ARHGAP10: variants seen among roughly 807,000 people sequenced by gnomAD.
The protein encoded by ARHGAP10 is Rho GTPase activating protein 10.
A neutral mutation model predicts 108.6 loss-of-function variants in ARHGAP10; 87 were observed. The observed-to-expected ratio is 0.80, with a 90% CI of 0.67 to 0.96. ARHGAP10 has a LOEUF of 0.96. ARHGAP10 is among the 40% of genes least tolerant of loss of function. The pLI, the probability that ARHGAP10 is intolerant of heterozygous loss-of-function variation, is 0.00. For synonymous variants in ARHGAP10, 347 were observed against 341.1 expected, an observed-to-expected ratio of 1.02 and a Z score of -0.19; for missense variants, 939 against 954.5, an observed-to-expected ratio of 0.98 and a Z score of 0.21.
At chr4:147,989,099 C>T (rs563403304) in intron 18 of ARHGAP10, among the ~76,000 whole-genome samples, 2 of 152,302 alleles carry the variant, frequency 1.3e-5, no homozygotes, top group East Asian at 1.9e-4. Flanking sequence ...TAAAGCTGGG[C>T]GTCCGGGGGA....
chr4:147,844,941 AC>A (rs1344374914), intron 3 of ARHGAP10, among the ~76,000 whole-genome samples: 2 of 151,860 alleles, frequency 1.3e-5, no homozygotes, highest in Non-Finnish European at 2.9e-5. Context: ...TTTCCACTGT[AC>A]CCCCAATAAA....
intron 18 of ARHGAP10, among the ~76,000 whole-genome samples, chr4:147,973,655 C>A (rs1315108088): frequency 6.6e-6 from 1 of 152,036 alleles, no homozygotes; most frequent in African/African-American, 2.4e-5. Flanking sequence ...TTTTTGTGCC[C>A]ATTAACCATC....
At chr4:147,863,538 A>G (rs745387462) in intron 5 of ARHGAP10, 3 of 152,178 alleles carry the variant, frequency 2.0e-5, no homozygotes, top group Non-Finnish European at 4.4e-5. Flanking sequence ...CCCTGCTGCT[A>G]TGAACAGGGG....
intron 1 of ARHGAP10, among the ~76,000 whole-genome samples, chr4:147,780,244 G>C (rs1184110384): frequency 2.0e-5 from 3 of 152,120 alleles, no homozygotes; most frequent in Non-Finnish European, 2.9e-5. Context: ...TCTGGGAGCA[G>C]AGCTGGTCCC....
intron 18 of ARHGAP10, among the ~76,000 whole-genome samples, chr4:147,992,037 A>G (rs1740296816): frequency 1.3e-5 from 2 of 152,218 alleles, no homozygotes; most frequent in Non-Finnish European, 2.9e-5. Context: ...TGTGGCCATT[A>G]CGGGTTAAGG....
At chr4:147,857,412 T>C (rs773471789) in intron 4 of ARHGAP10, 141 bp from the exon 5 acceptor site, 5 of 804,052 alleles carry the variant, frequency 6.2e-6, no homozygotes, top group Admixed American at 4.6e-5. Flanking sequence ...GGTACAGATA[T>C]GTTTTTTTAG....
At chr4:147,848,091 G>GT (rs59590301) in intron 4 of ARHGAP10, among the ~76,000 whole-genome samples, 126,742 of 145,944 alleles carry the variant, frequency 0.87, 57,289 homozygotes, top group Non-Finnish European at 0.99. Context: ...GGGGATGTGA[G>GT]TTTTTTTTTT....
chr4:147,785,584 A>T lies in ARHGAP10; in HGVS notation c.155-37143A>T, dbSNP rs534976620. ...AAATGACATGTAGTTTATGCTTTCA[A>T]ACAGAAGTCATCCAGACAACCTTCC... On this transcript the variant is annotated intron_variant, in intron 1 of 22. Coordinates refer to ENST00000336498, the MANE Select transcript of ARHGAP10 (RefSeq NM_024605.4). Among the ~76,000 whole-genome samples, 3 of 152,272 alleles carry T rather than the reference A, an allele frequency of 2.0e-5. No homozygotes were observed. The East Asian group carries it at 5.8e-4, about 29-fold the overall frequency.
At chr4:147,995,010 G>A (rs1266357663) in intron 18 of ARHGAP10, among the ~76,000 whole-genome samples, 4 of 152,162 alleles carry the variant, frequency 2.6e-5, no homozygotes, top group Non-Finnish European at 5.9e-5. Context: ...TGTGGTTCCC[G>A]CAGAACTGTG....
chr4:148,019,763 T>TAA (rs879896839), intron 18 of ARHGAP10, among the ~76,000 whole-genome samples: 4 of 132,764 alleles, frequency 3.0e-5, no homozygotes, highest in Admixed American at 7.6e-5. Context: ...AGACTCCACC[T>TAA]AAAAAAAAAA....
At chr4:147,786,235 A>G (rs537124719) in intron 1 of ARHGAP10, among the ~76,000 whole-genome samples, 1 of 152,310 alleles carries the variant, frequency 6.6e-6, no homozygotes, top group Non-Finnish European at 1.5e-5. Context: ...AAGCAGCTGC[A>G]TCATATCCAA....
intron 15 of ARHGAP10, among the ~76,000 whole-genome samples, chr4:147,947,943 G>GT (rs35309386): frequency 0.034 from 3,999 of 117,942 alleles, 203 homozygotes; most frequent in African/African-American, 0.1. Flanking sequence ...ACCTGCCACT[G>GT]TTTTTTTTTT....
chr4:147,907,581 A>C (rs954882170), intron 11 of ARHGAP10, among the ~76,000 whole-genome samples: 1 of 152,236 alleles, frequency 6.6e-6, no homozygotes, highest in Non-Finnish European at 1.5e-5. Flanking sequence ...AGCTTATGAA[A>C]TGGGCAAAAG....
chr4:147,763,939 G>C (rs1254168773), intron 1 of ARHGAP10, among the ~76,000 whole-genome samples: 1 of 151,870 alleles, frequency 6.6e-6, no homozygotes, highest in Non-Finnish European at 1.5e-5. Context: ...ATTTTGAGTA[G>C]AGACAGGGTT....
At chr4:148,071,695 C>G (rs965281910) in intron 22 of ARHGAP10, among the ~76,000 whole-genome samples, 4 of 152,000 alleles carry the variant, frequency 2.6e-5, no homozygotes, top group Non-Finnish European at 4.4e-5. Flanking sequence ...ATGTGATCAG[C>G]TCTGTGTTCT....
At chr4:147,743,019 G>T (rs562267054) in intron 1 of ARHGAP10, among the ~76,000 whole-genome samples, 1 of 149,766 alleles carries the variant, frequency 6.7e-6, no homozygotes, top group Non-Finnish European at 1.5e-5. Flanking sequence ...CATACTGATC[G>T]ATAGTTTTTT....
chr4:147,790,685 A>G lies in ARHGAP10; in HGVS notation c.155-32042A>G, dbSNP rs113870779. 8.5e-3 allele frequency among the ~76,000 whole-genome samples: 1,288 copies of G among 152,292 alleles called. 20 individuals are homozygous for G. Among genetic ancestry groups the G allele is most frequent in the East Asian group, 0.036 (186 of 5,192 alleles). On this transcript the variant is annotated intron_variant, in intron 1 of 22. Transcript: ENST00000336498. ...TAGAGTAGCCCACATTTGGTGGCCA[A>G]TGTTAAAGTTATATGCTGTTATTTT...
chr4:147,992,556 C>T (rs1026728352), intron 18 of ARHGAP10, among the ~76,000 whole-genome samples: 2 of 152,104 alleles, frequency 1.3e-5, no homozygotes, highest in African/African-American at 4.8e-5. Context: ...CAGGCGCCCA[C>T]CACCAACCCC....
intron 18 of ARHGAP10, among the ~76,000 whole-genome samples, chr4:147,988,441 G>A (rs1488390239): frequency 6.6e-6 from 1 of 152,076 alleles, no homozygotes. Context: ...CCGGTCCTTT[G>A]GTCAGGTAGC....
Sources: allele counts gnomAD v4.1 joint callset (sites outside exome capture counted in the v4.1 genomes callset), GRCh38; gene constraint gnomAD v4.1.1; transcripts MANE v1.5; gene names NCBI Gene and HGNC (gene_info 2026-07-23, HGNC 2026-07-21).